CCDC74B: variants seen among roughly 807,000 people sequenced by gnomAD.
The protein encoded by CCDC74B is coiled-coil domain containing 74B, also known as coiled-coil domain-containing protein 74B.
In CCDC74B, 34 loss-of-function variants were observed where a neutral mutation model predicts 38.0. The observed-to-expected ratio is 0.89, with a 90% CI of 0.68 to 1.19. CCDC74B has a LOEUF of 1.19. CCDC74B is among the 50% of genes most tolerant of loss of function. CCDC74B has a pLI of 0.00. For missense variants in CCDC74B, 358 were observed against 406.0 expected, an observed-to-expected ratio of 0.88 and a Z score of 1.02; for synonymous variants, 132 against 170.4, an observed-to-expected ratio of 0.77 and a Z score of 1.76.
rs1398080888 is a variant in CCDC74B, at chr2:130,145,094, G to T, written c.-98C>A. The T allele has an allele frequency of 1.4e-6, 2 of 1,401,300 alleles. No homozygotes were observed. The highest frequency in any genetic ancestry group is 1.9e-6 in the Non-Finnish European group (2 of 1,079,488). The allele number at this position is 1,401,300 out of a possible 1,614,324, so 86.8% of individuals were successfully genotyped here. A position where few individuals can be genotyped will look rare whatever the true frequency, so the allele number is the denominator to read the frequency against. ...CCCGTCACCATGGAAACCGGGCGAC[G>T]GAGGGCGCCAGGCGTTTGGCGGGGG... On this transcript the variant is annotated 5_prime_UTR_variant, in exon 1 of 8. Coordinates refer to ENST00000409943, the MANE Select transcript of CCDC74B (RefSeq NM_001258307.2).
chr2:130,139,758 T>C (rs1685471528), intron 7 of CCDC74B, 68 bp from the exon 8 acceptor site: 2 of 1,607,116 alleles, frequency 1.2e-6, no homozygotes. Context: ...GAGTGCGGCC[T>C]GCATGGCCCT....
intron 2 of CCDC74B, chr2:130,142,641 A>C: frequency 6.5e-7 from 1 of 1,543,072 alleles, no homozygotes; most frequent in Non-Finnish European, 8.7e-7. Flanking sequence ...GGCTCCATCC[A>C]CCAGTCAGAT....
Sources: gnomAD v4.1 joint callset for allele counts on GRCh38, gnomAD v4.1.1 for gene constraint, MANE v1.5 for transcripts, NCBI Gene and HGNC (gene_info 2026-07-23, HGNC 2026-07-21) for gene names.